Variants in ACVR1 observed in about 807,000 individuals in gnomAD.
ACVR1 encodes the protein activin A receptor type 1.
ACVR1 carries 38 observed loss-of-function variants against 57.1 expected under a neutral mutation model. The ratio of observed to expected loss-of-function variants is 0.67; its 90% CI spans 0.51 to 0.87. The LOEUF is 0.87. Ranked by LOEUF, ACVR1 falls within the 40% of genes least tolerant of loss-of-function variation. The pLI, the probability that ACVR1 is intolerant of heterozygous loss-of-function variation, is 0.00. For synonymous variants in ACVR1, 212 were observed against 228.1 expected (o/e 0.93, Z 0.63); for missense variants, 463 against 638.2 (o/e 0.73, Z 2.96).
intron 5 of ACVR1, 25 bp from the exon 6 acceptor site, chr2:157,774,212 A>G (rs1443169057): frequency 6.3e-7 from 1 of 1,594,082 alleles, no homozygotes; most frequent in East Asian, 2.2e-5. Context: ...AAGGGGGAAA[A>G]GAAACGATTG....
At chr2:157,806,551 G>A (rs1384636615) in intron 2 of ACVR1, among the ~76,000 whole-genome samples, 1 of 152,092 alleles carries the variant, frequency 6.6e-6, no homozygotes, top group Non-Finnish European at 1.5e-5. Context: ...CACGAAGAGG[G>A]GCCAAAATCA....
chr2:157,760,960 C>A lies in ACVR1; in HGVS notation c.1184G>T (p.Cys395Phe). 6.2e-7 allele frequency: 1 copy of A among 1,614,122 alleles called. No individual in the cohort carries two copies. The highest frequency in any genetic ancestry group is 8.5e-7 in the Non-Finnish European group (1 of 1,180,016). ...ATCGACCCTTTTATAAGAATCGAAA[C>A]AATCCACCTGGATGGTTTCATCTAG... ...EVLDETIQVD[C>F]FDSYKRVDIW... Residue 395 changes from cysteine to phenylalanine, a missense_variant, in exon 9 of 11, where the codon TGT becomes TTT. Physicochemically the swap from Cys to Phe is radical, Grantham distance 205. Coordinates refer to ENST00000434821, the MANE Select transcript of ACVR1 (RefSeq NM_001111067.4).
At chr2:157,802,596 C>G (rs1037997634) in intron 2 of ACVR1, among the ~76,000 whole-genome samples, 2 of 152,030 alleles carry the variant, frequency 1.3e-5, no homozygotes, top group Non-Finnish European at 2.9e-5. Context: ...ATGATTGGGC[C>G]CTTCTTTCAG....
chr2:157,782,497 G>T (rs1018144891), intron 3 of ACVR1, among the ~76,000 whole-genome samples: 1 of 152,208 alleles, frequency 6.6e-6, no homozygotes, highest in African/African-American at 2.4e-5. Flanking sequence ...GGAAATTCCA[G>T]CACCAATCTA....
At chr2:157,822,484 T>G (rs527694227) in intron 1 of ACVR1, among the ~76,000 whole-genome samples, 1 of 152,340 alleles carries the variant, frequency 6.6e-6, no homozygotes, top group East Asian at 1.9e-4. Flanking sequence ...GAAATGGGAA[T>G]TTCCAGGAAT....
chr2:157,838,004 C>T (rs998305484), intron 1 of ACVR1, among the ~76,000 whole-genome samples: 1 of 152,094 alleles, frequency 6.6e-6, no homozygotes, highest in Non-Finnish European at 1.5e-5. Context: ...ATGCACACAC[C>T]ATTAATGGAG....
At chr2:157,773,003 T>C (rs1222502463) in intron 6 of ACVR1, among the ~76,000 whole-genome samples, 1 of 152,096 alleles carries the variant, frequency 6.6e-6, no homozygotes, top group African/African-American at 2.4e-5. Context: ...GAAGAAAATC[T>C]GGAGAACAGC....
intron 2 of ACVR1, among the ~76,000 whole-genome samples, chr2:157,812,101 A>AT (rs1265086445): frequency 6.6e-6 from 1 of 152,250 alleles, no homozygotes; most frequent in East Asian, 1.9e-4. Flanking sequence ...TAAATATTTA[A>AT]TTCCTGGTTC....
intron 1 of ACVR1, among the ~76,000 whole-genome samples, chr2:157,850,207 T>C (rs1689247844): frequency 6.6e-6 from 1 of 152,032 alleles, no homozygotes; most frequent in Admixed American, 6.6e-5. Context: ...CTGGTCAACA[T>C]GGCAAAACCC....
At chr2:157,834,650 AATATATTC>A (rs1472789382) in intron 1 of ACVR1, among the ~76,000 whole-genome samples, 2 of 152,050 alleles carry the variant, frequency 1.3e-5, no homozygotes, top group East Asian at 3.8e-4. Flanking sequence ...CAAATAAATA[AATATATTC>A]ATATATACAT....
rs16842163 is a variant in ACVR1, at chr2:157,845,949, T to C, written c.-182-27390A>G. On this transcript the variant is annotated intron_variant, in intron 1 of 10. Transcript: ENST00000434821. ...AAGGAGAATAAACTAGCAGGAAATA[T>C]ATAGCAGACCTTCCCTTTATGAAGA... Among the ~76,000 whole-genome samples the C allele has an allele frequency of 7.3e-3, 1,110 of 152,310 alleles. 10 individuals carry two copies. Among genetic ancestry groups the C allele is most frequent in the African/African-American group, 0.025 (1,040 of 41,560 alleles).
At chr2:157,815,119 GCTA>G (rs1469274304) in intron 2 of ACVR1, among the ~76,000 whole-genome samples, 1 of 151,968 alleles carries the variant, frequency 6.6e-6, no homozygotes, top group Non-Finnish European at 1.5e-5. Flanking sequence ...AGAATGCAGC[GCTA>G]CTATGGAAGA....
At chr2:157,870,627 T>A (rs942283696) in intron 1 of ACVR1, among the ~76,000 whole-genome samples, 2 of 152,234 alleles carry the variant, frequency 1.3e-5, no homozygotes, top group African/African-American at 4.8e-5. Flanking sequence ...AGTAATTGAT[T>A]CACTGAGTGT....
chr2:157,737,082 A>T lies in ACVR1; in HGVS notation c.*449T>A. ...TCTTTAAAATTAAGAGTAACAGTGC[A>T]AGTAAGGAATGCAAAGAATTCCTAG... is the stretch of plus-strand genomic sequence containing the variant. On this transcript the variant is annotated 3_prime_UTR_variant, in exon 11 of 11. Coordinates refer to ENST00000434821, the MANE Select transcript of ACVR1 (RefSeq NM_001111067.4). 3.4e-6 allele frequency: 1 copy of T among 296,116 alleles called. No individual in the cohort carries two copies. Among genetic ancestry groups the T allele is most frequent in the Non-Finnish European group, 6.3e-6 (1 of 158,650 alleles). 18.3% of individuals were successfully genotyped at this position (296,116 alleles called of 1,614,324 possible). A position where few individuals can be genotyped will look rare whatever the true frequency, so the allele number is the denominator to read the frequency against.
chr2:157,817,551 G>A (rs913973780), intron 2 of ACVR1, among the ~76,000 whole-genome samples: 9 of 152,134 alleles, frequency 5.9e-5, no homozygotes, highest in African/African-American at 9.7e-5. Flanking sequence ...ATGATATGTC[G>A]AAGTAGGTTC....
chr2:157,776,039 T>C (rs368070531), intron 5 of ACVR1, among the ~76,000 whole-genome samples: 1 of 152,238 alleles, frequency 6.6e-6, no homozygotes, highest in African/African-American at 2.4e-5. Context: ...TGTTTTTCAA[T>C]GTAGACGTGC....
At chr2:157,750,393 C>G (rs1685137751) in intron 9 of ACVR1, among the ~76,000 whole-genome samples, 1 of 152,252 alleles carries the variant, frequency 6.6e-6, no homozygotes, top group South Asian at 2.1e-4. Flanking sequence ...GCCACAACCA[C>G]TTGTGCCCAA....
intron 3 of ACVR1, among the ~76,000 whole-genome samples, chr2:157,783,788 C>CCTCATCCACTGTGA (rs1559054855): frequency 7.2e-5 from 11 of 151,746 alleles, no homozygotes; most frequent in Admixed American, 6.6e-4. Context: ...ATCCACTGTT[C>CCTCATCCACTGTGA]AATCTTCTTA....
At chr2:157,851,188 C>G (rs1377234984) in intron 1 of ACVR1, among the ~76,000 whole-genome samples, 1 of 152,000 alleles carries the variant, frequency 6.6e-6, no homozygotes, top group Admixed American at 6.6e-5. Context: ...TTTAAGATCC[C>G]ATATGCAGTA....
Sources: allele counts gnomAD v4.1 joint callset (sites outside exome capture counted in the v4.1 genomes callset), GRCh38; gene constraint gnomAD v4.1.1; transcripts MANE v1.5; gene names NCBI Gene and HGNC (gene_info 2026-07-23, HGNC 2026-07-21).